The following CEP135 variants were observed in gnomAD, a reference collection of about 807,000 sequenced individuals.
CEP135 encodes centrosomal protein 135, also known as centrosomal protein of 135 kDa.
A neutral mutation model predicts 157.3 loss-of-function variants in CEP135; 142 were observed. That is an observed-to-expected ratio of 0.90 (90% confidence interval 0.79 to 1.04). The LOEUF is 1.04. Among genes scored for constraint, CEP135 ranks in the 50% least tolerant of loss-of-function variants. The pLI is 0.00. For missense variants in CEP135, 1,317 were observed against 1,309.2 expected, an observed-to-expected ratio of 1.01 and a Z score of -0.09; for synonymous variants, 396 against 439.8, an observed-to-expected ratio of 0.90 and a Z score of 1.25.
At chr4:55,993,134 G>T (rs1169212819) in intron 15 of CEP135, among the ~76,000 whole-genome samples, 1 of 152,148 alleles carries the variant, frequency 6.6e-6, no homozygotes, top group East Asian at 1.9e-4. Context: ...TTAGTGAATG[G>T]CATTGGATAT....
chr4:56,019,301 C>A, intron 22 of CEP135, 52 bp from the exon 23 acceptor site: 1 of 1,402,686 alleles, frequency 7.1e-7, no homozygotes, highest in Non-Finnish European at 9.7e-7. Flanking sequence ...ATAATTTTTT[C>A]AGAGTAAGTT....
Position 55,992,062 on chromosome 4 carries a change from G to C in CEP135, c.1986G>C (p.Gln662His). 1 of 1,598,306 alleles carries C rather than the reference G, an allele frequency of 6.3e-7. No homozygotes were observed. The highest frequency in any genetic ancestry group is 8.5e-7 in the Non-Finnish European group (1 of 1,176,012). The change falls in exon 15 of 26, where the codon CAG becomes CAC. Residue 662 changes from glutamine to histidine, a missense_variant. Coordinates refer to ENST00000257287, the MANE Select transcript of CEP135 (RefSeq NM_025009.5). ...FSHVAGDSSH[Q>H]KTEVNSLRIV... Reference sequence around the variant, plus strand: ...ATGTGGCTGGTGACTCATCTCATCAGAAAACAGAGGTGAACTCACTTAGGT... The same window carrying C: ...ATGTGGCTGGTGACTCATCTCATCACAAAACAGAGGTGAACTCACTTAGGT...
intron 13 of CEP135, among the ~76,000 whole-genome samples, chr4:55,982,989 TAGC>T (rs1410146091): frequency 6.6e-6 from 1 of 152,186 alleles, no homozygotes; most frequent in Non-Finnish European, 1.5e-5. Flanking sequence ...GCTTTGAAAG[TAGC>T]AGCTAAAATT....
chr4:56,017,772 C>CT lies in CEP135; in HGVS notation c.2928dup (p.Leu977SerfsTer2). 1.2e-6 allele frequency: 2 copies of CT among 1,613,906 alleles called. No homozygotes were observed. Among genetic ancestry groups the CT allele is most frequent in the Middle Eastern group, 1.7e-4 (1 of 5,960 alleles). Reference sequence around the variant, plus strand: ...GCAACAGTATTAAATGACTTGTCATCTCTTAGAGAACTTTGCATTAAACTT... The same window carrying CT: ...GCAACAGTATTAAATGACTTGTCATCTTCTTAGAGAACTTTGCATTAAACTT... On this transcript the variant is annotated frameshift_variant, in exon 22 of 26. Transcript: ENST00000257287. LOFTEE classifies it high-confidence loss of function.
At chr4:56,010,175 A>ACC (rs3036749) in intron 19 of CEP135, among the ~76,000 whole-genome samples, 19 of 122,978 alleles carry the variant, frequency 1.5e-4, no homozygotes, top group African/African-American at 3.7e-4. Flanking sequence ...CATTGTGAAA[A>ACC]CCCCCCCCCC....
At chr4:56,000,322 AT>A (rs1273255388) in intron 17 of CEP135, among the ~76,000 whole-genome samples, 1 of 152,038 alleles carries the variant, frequency 6.6e-6, no homozygotes, top group Non-Finnish European at 1.5e-5. Flanking sequence ...TTATCACTTT[AT>A]TTTTTTCTTT....
At chr4:55,985,439 A>C (rs528146044) in intron 14 of CEP135, 81 bp downstream of exon 14, 1 of 515,004 alleles carries the variant, frequency 1.9e-6, no homozygotes, top group East Asian at 3.8e-5. Flanking sequence ...ACTATTTTTT[A>C]ATTTTAATTT....
chr4:55,978,452 T>G (rs943715528), intron 11 of CEP135, among the ~76,000 whole-genome samples: 15 of 152,250 alleles, frequency 9.9e-5, no homozygotes, highest in Non-Finnish European at 1.5e-5. Context: ...AAAGTGACAT[T>G]TAAGCTGACA....
chr4:55,976,370 T>G (rs1729217264), intron 11 of CEP135, among the ~76,000 whole-genome samples: 1 of 152,208 alleles, frequency 6.6e-6, no homozygotes, highest in African/African-American at 2.4e-5. Context: ...GAAAAATAAG[T>G]GACTGAATTG....
chr4:55,989,025 A>G (rs527526764), intron 14 of CEP135, among the ~76,000 whole-genome samples: 2 of 152,200 alleles, frequency 1.3e-5, no homozygotes, highest in Admixed American at 6.5e-5. Context: ...CAAACCCAGT[A>G]GAGAGCAAAC....
chr4:55,965,865 G>A lies in CEP135; in HGVS notation c.1044+6G>A, dbSNP rs370353869. ...AAGAGCTTGGGGAAGCAAAGGTAAT[G>A]AATGATATGTGTAGATTGTGAGAGT... On this transcript the variant is annotated splice_donor_region_variant and intron_variant, in intron 8 of 25. Transcript: ENST00000257287. 2.1e-4 allele frequency: 344 copies of A among 1,602,998 alleles called. No homozygotes were observed. The highest frequency in any genetic ancestry group is 2.7e-4 in the Non-Finnish European group (319 of 1,171,080).
At chr4:55,962,106 AT>A (rs33948490) in intron 6 of CEP135, among the ~76,000 whole-genome samples, 30,911 of 149,172 alleles carry the variant, frequency 0.21, 3,324 homozygotes, top group Non-Finnish European at 0.26. Flanking sequence ...AAAAACTCTT[AT>A]TTTTTTTTTT....
At chr4:56,002,663 C>A (rs1052445492) in intron 17 of CEP135, among the ~76,000 whole-genome samples, 1 of 152,066 alleles carries the variant, frequency 6.6e-6, no homozygotes, top group African/African-American at 2.4e-5. Flanking sequence ...AGGATTTTTG[C>A]ATATATTTGC....
rs1220995826 is a variant in CEP135 at position 55,954,395 on chromosome 4, C to T, written c.472+12C>T. ...AGTACAAACTCCAGGTAAATCGATT[C>T]CTTCTCGAGACAAATTATACACATT... On this transcript the variant is annotated intron_variant, in intron 4 of 25. Transcript: ENST00000257287. 1 of 1,577,606 alleles carries T rather than the reference C, an allele frequency of 6.3e-7. No individual in the cohort carries two copies. The highest frequency in any genetic ancestry group is 8.6e-7 in the Non-Finnish European group (1 of 1,166,132).
At chr4:55,976,348 C>T (rs1037356978) in intron 11 of CEP135, among the ~76,000 whole-genome samples, 3 of 151,716 alleles carry the variant, frequency 2.0e-5, no homozygotes, top group African/African-American at 4.8e-5. Context: ...TCCGTATATA[C>T]TTAGGACTCA....
At chr4:55,963,316 G>A (rs2593068) in intron 6 of CEP135, among the ~76,000 whole-genome samples, 84,243 of 151,998 alleles carry the variant, frequency 0.55, 23,864 homozygotes, top group African/African-American at 0.67. Context: ...TTTTGTCCTA[G>A]TTCTTCAGAC....
In CEP135 at chr4:55,973,371, G is replaced by A. The variant is rs116206037; in HGVS notation, c.1250-1375G>A. Among the ~76,000 whole-genome samples the A allele has an allele frequency of 6.1e-3, 928 of 152,284 alleles. 14 individuals are homozygous for A. Among genetic ancestry groups the A allele is most frequent in the African/African-American group, 0.021 (888 of 41,546 alleles). On this transcript the variant is annotated intron_variant, in intron 10 of 25. Coordinates refer to ENST00000257287, the MANE Select transcript of CEP135 (RefSeq NM_025009.5). ...AATGTTTTGCACTGTCAATAAACCC[G>A]TGAGTCCCATTTCCCACCTTCATTC... is the stretch of plus-strand genomic sequence containing the variant.
chr4:55,959,212 C>T (rs1210579538), intron 5 of CEP135, among the ~76,000 whole-genome samples: 4 of 152,198 alleles, frequency 2.6e-5, no homozygotes, highest in African/African-American at 7.2e-5. Context: ...TTGGAATTAA[C>T]AAGTTCCAGA....
chr4:56,006,437 A>T (rs1374555919), intron 17 of CEP135, among the ~76,000 whole-genome samples: 1 of 151,964 alleles, frequency 6.6e-6, no homozygotes, highest in Non-Finnish European at 1.5e-5. Context: ...ATTTTTTATT[A>T]TTTCAACCTC....
Sources: gnomAD v4.1 joint callset for allele counts (sites outside exome capture counted in the v4.1 genomes callset) on GRCh38, gnomAD v4.1.1 for gene constraint, MANE v1.5 for transcripts, NCBI Gene and HGNC (gene_info 2026-07-23, HGNC 2026-07-21) for gene names.